The following CACNA1C variants were observed in gnomAD, a reference collection of about 807,000 sequenced individuals.
CACNA1C encodes voltage-dependent L-type calcium channel subunit alpha-1C.
CACNA1C carries 30 observed loss-of-function variants against 229.0 expected under a neutral mutation model. That is an observed-to-expected ratio of 0.13 (90% confidence interval 0.10 to 0.18). CACNA1C has a LOEUF of 0.18. CACNA1C is among the 10% of genes least tolerant of loss of function. The pLI is 1.00. For synonymous variants in CACNA1C, 1,114 were observed against 1,132.5 expected (o/e 0.98, Z 0.33); for missense variants, 1,658 against 2,845.0 (o/e 0.58, Z 9.49).
At chr12:2,162,707 G>GA (rs1376166663) in intron 3 of CACNA1C, among the ~76,000 whole-genome samples, 1 of 152,054 alleles carries the variant, frequency 6.6e-6, no homozygotes, top group African/African-American at 2.4e-5. Flanking sequence ...TGGAGATGAT[G>GA]AATACAAAAC....
intron 5 of CACNA1C, among the ~76,000 whole-genome samples, chr12:2,459,142 C>G (rs376825532): frequency 6.7e-6 from 1 of 149,332 alleles, no homozygotes. Context: ...GCCACCATGC[C>G]CAGCTAATTT....
rs2074805328 is a variant in CACNA1C at position 2,605,316 on chromosome 12, C to T, written c.3048+148C>T. The T allele has an allele frequency of 1.9e-5, 12 of 636,372 alleles. No individual in the cohort carries two copies. The highest frequency in any genetic ancestry group is 1.3e-4 in the South Asian group (7 of 53,390). 39.4% of individuals were successfully genotyped at this position (636,372 alleles called of 1,614,324 possible). On this transcript the variant is annotated intron_variant, in intron 23 of 46. Coordinates refer to ENST00000399655, the MANE Select transcript of CACNA1C (RefSeq NM_000719.7). This position sits in a 1 kb window ranked among gnomAD's most constrained non-coding sequence, Gnocchi z 6.2. ...CGGACACTGGTCCCACTGCATGTCC[C>T]GGTTCCGTAATGAACAGAATAGTAA...
chr12:2,566,590 G>A lies in CACNA1C; in HGVS notation c.1669+8G>A, dbSNP rs762675533. ...GGCTCACAGAAGTCCAAGGTGAGCG[G>A]CGGCCCCAGCTCTGCTCTGGTTTCC... On this transcript the variant is annotated splice_region_variant and intron_variant, in intron 12 of 46. Coordinates refer to ENST00000399655, the MANE Select transcript of CACNA1C (RefSeq NM_000719.7). This position sits in a 1 kb window ranked among gnomAD's most constrained non-coding sequence, Gnocchi z 4.0. The A allele has an allele frequency of 1.7e-5, 27 of 1,588,954 alleles. No homozygotes were observed. In the African/African-American group the frequency reaches 3.4e-4, roughly 20 times the overall value.
intron 5 of CACNA1C, among the ~76,000 whole-genome samples, chr12:2,468,027 C>T (rs991753057): frequency 6.6e-6 from 1 of 152,182 alleles, no homozygotes; most frequent in African/African-American, 2.4e-5. Context: ...TTGGCAGGAG[C>T]CACCGCACCA....
At chr12:2,295,413 T>G (rs1390513643) in intron 3 of CACNA1C, among the ~76,000 whole-genome samples, 1 of 152,196 alleles carries the variant, frequency 6.6e-6, no homozygotes, top group African/African-American at 2.4e-5. Flanking sequence ...TGAAACGTCC[T>G]TCCTTACTGT....
At chr12:2,690,776 G>GCA (rs2097773123) in intron 46 of CACNA1C, 124 bp from the exon 47 acceptor site, 1 of 900,924 alleles carries the variant, frequency 1.1e-6, no homozygotes, top group African/African-American at 1.7e-5. Flanking sequence ...ACGTACACGT[G>GCA]CACACACGCA....
intron 1 of CACNA1C, among the ~76,000 whole-genome samples, chr12:2,082,039 CAG>C (rs762780042): frequency 4.6e-5 from 7 of 152,012 alleles, no homozygotes; most frequent in South Asian, 2.1e-4. Flanking sequence ...ACAGGGGGGA[CAG>C]GGGGGATATT....
At chr12:2,218,402 G>C (rs2060528622) in intron 3 of CACNA1C, among the ~76,000 whole-genome samples, 1 of 152,192 alleles carries the variant, frequency 6.6e-6, no homozygotes, top group South Asian at 2.1e-4. Context: ...TATTCTGCAG[G>C]AGTTTGGATA....
intron 34 of CACNA1C, among the ~76,000 whole-genome samples, chr12:2,661,270 TACACACACATACACACACACACAC>T (rs2095710222): frequency 7.6e-6 from 1 of 131,162 alleles, no homozygotes; most frequent in African/African-American, 3.2e-5. Flanking sequence ...TCTAAACACA[TACACACACATACACACACACACAC>T]ACACACACAC....
intron 3 of CACNA1C, among the ~76,000 whole-genome samples, chr12:2,200,332 C>T (rs1339317137): frequency 6.6e-6 from 1 of 152,210 alleles, no homozygotes; most frequent in Non-Finnish European, 1.5e-5. Context: ...AGGCACTATT[C>T]TAGAGCAGTG....
At chr12:2,446,154 T>C (rs1054364790) in intron 3 of CACNA1C, among the ~76,000 whole-genome samples, 6 of 150,880 alleles carry the variant, frequency 4.0e-5, no homozygotes, top group African/African-American at 1.5e-4. Flanking sequence ...AATGTATAGG[T>C]AGGTAGGTGG....
At chr12:2,189,219 AT>A in intron 3 of CACNA1C, among the ~76,000 whole-genome samples, 1 of 151,956 alleles carries the variant, frequency 6.6e-6, no homozygotes, top group Admixed American at 6.5e-5. Flanking sequence ...GGTTAGCACC[AT>A]TGTGTGGATC....
chr12:2,303,050 G>A (rs886112999), intron 3 of CACNA1C, among the ~76,000 whole-genome samples: 2 of 152,244 alleles, frequency 1.3e-5, no homozygotes, highest in Admixed American at 6.5e-5. Context: ...CTCCCAGGAC[G>A]GAGGCGGGAA....
At chr12:2,315,567 C>T (rs919188135) in intron 3 of CACNA1C, among the ~76,000 whole-genome samples, 6 of 152,164 alleles carry the variant, frequency 3.9e-5, no homozygotes, top group African/African-American at 9.7e-5. Context: ...AGGAAAGAAA[C>T]GAAGGCAGGT....
In CACNA1C at chr12:2,567,681, C is replaced by T. The variant is rs374976163; in HGVS notation, c.1782C>T (p.Phe594=). The part of the protein sequence containing the change: ...FVSLFNRFDC[F]VVCGGILETI... ...CCCTCTTCAACCGCTTTGACTGCTT[C>T]GTCGTGTGTGGCGGCATCCTGGAGA... The change falls in exon 13 of 47, where the codon TTC becomes TTT. Residue 594 remains phenylalanine, a synonymous_variant. Coordinates refer to ENST00000399655, the MANE Select transcript of CACNA1C (RefSeq NM_000719.7). 8.7e-6 allele frequency: 14 copies of T among 1,613,488 alleles called. No homozygotes were observed. The highest frequency in any genetic ancestry group is 8.0e-5 in the African/African-American group (6 of 74,916).
intron 1 of CACNA1C, among the ~76,000 whole-genome samples, chr12:2,013,676 A>G (rs965010463): frequency 3.3e-5 from 5 of 152,202 alleles, no homozygotes; most frequent in African/African-American, 1.2e-4. Context: ...GGTAAGGCAG[A>G]GGGCAGTGGT....
At chr12:2,344,803 A>G (rs1294618101) in intron 3 of CACNA1C, among the ~76,000 whole-genome samples, 1 of 152,046 alleles carries the variant, frequency 6.6e-6, no homozygotes, top group Non-Finnish European at 1.5e-5. Flanking sequence ...CATACTTTCT[A>G]CTTGCCAGGT....
chr12:2,555,569 G>A (rs796677906), intron 10 of CACNA1C, among the ~76,000 whole-genome samples: 1 of 152,218 alleles, frequency 6.6e-6, no homozygotes, highest in Non-Finnish European at 1.5e-5. Context: ...ACATTTGTTT[G>A]CTGGTTAAAC....
Position 2,567,749 on chromosome 12 carries a change from C to T in CACNA1C, c.1850C>T (p.Ser617Phe), listed in dbSNP as rs1336672006. The change falls in exon 13 of 47, where the codon TCC becomes TTC. Residue 617 changes from serine (S) to phenylalanine (F), a missense_variant. Around this residue, in one of 20 missense-constraint regions of CACNA1C, gnomAD observed 30 missense variants for 96.6 expected, o/e 0.31. Coordinates refer to ENST00000399655, the MANE Select transcript of CACNA1C (RefSeq NM_000719.7). ...ETKIMSPLGI[S>F]VLRCVRLLRI... ...AAGATCATGTCCCCACTGGGCATCT[C>T]CGTGCTCAGATGCGTCCGGCTGCTG... The T allele has an allele frequency of 1.2e-6, 2 of 1,613,420 alleles. No individual in the cohort carries two copies. Among genetic ancestry groups the T allele is most frequent in the South Asian group, 1.1e-5 (1 of 90,964 alleles).
Sources: gnomAD v4.1 joint callset for allele counts (sites outside exome capture counted in the v4.1 genomes callset) on GRCh38, gnomAD v4.1.1 for gene constraint, gnomAD v4.1.1 regional missense constraint, Gnocchi (gnomAD v3.1) non-coding constraint, MANE v1.5 for transcripts, NCBI Gene and HGNC (gene_info 2026-07-23, HGNC 2026-07-21) for gene names.